Variants in KIAA1671 observed in about 807,000 individuals in gnomAD.
The protein encoded by KIAA1671 is KIAA1671.
A neutral mutation model predicts 131.2 loss-of-function variants in KIAA1671; 52 were observed. That is an observed-to-expected ratio of 0.40 (90% CI 0.32 to 0.50). The LOEUF (loss-of-function observed/expected upper bound fraction) is 0.50, where lower values mean the gene tolerates loss of function less well. Among genes scored for constraint, KIAA1671 ranks in the 20% least tolerant of loss-of-function variants. KIAA1671 has a pLI of 0.73. For synonymous variants in KIAA1671, 1,003 were observed against 961.6 expected, an observed-to-expected ratio of 1.04 and a Z score of -0.80; for missense variants, 2,360 against 2,364.2, an observed-to-expected ratio of 1.00 and a Z score of 0.04.
intron 6 of KIAA1671, among the ~76,000 whole-genome samples, chr22:25,150,191 T>A (rs943738255): frequency 9.2e-5 from 14 of 152,110 alleles, no homozygotes; most frequent in Admixed American, 7.2e-4. Flanking sequence ...GATCCCGTGG[T>A]TTGTGAGGCA....
intron 6 of KIAA1671, among the ~76,000 whole-genome samples, chr22:25,098,639 G>T (rs1001591608): frequency 6.7e-6 from 1 of 150,312 alleles, no homozygotes; most frequent in Non-Finnish European, 1.5e-5. Context: ...GGCGGGGGGG[G>T]GTTTGCTCTG....
intron 1 of KIAA1671, among the ~76,000 whole-genome samples, chr22:24,983,209 A>G (rs758412733): frequency 6.6e-6 from 1 of 152,154 alleles, no homozygotes; most frequent in Non-Finnish European, 1.5e-5. Context: ...TTAACAAATT[A>G]TCACAATCTG....
At chr22:25,101,751 G>A (rs1395039074) in intron 6 of KIAA1671, among the ~76,000 whole-genome samples, 1 of 152,150 alleles carries the variant, frequency 6.6e-6, no homozygotes, top group African/African-American at 2.4e-5. Context: ...TCAAGCCTCA[G>A]TGATTCCTTC....
At position 25,185,095 on chromosome 22, in the gene KIAA1671, C is replaced by T. The variant is rs1382237179; in HGVS notation, c.5318C>T (p.Pro1773Leu). The T allele has an allele frequency of 6.4e-7, 1 of 1,551,332 alleles. No homozygotes were observed. Among genetic ancestry groups the T allele is most frequent in the Non-Finnish European group, 8.7e-7 (1 of 1,146,812 alleles). Residue 1773 changes from proline (P) to leucine (L), a missense_variant, in exon 11 of 13, where the codon CCT becomes CTT. Pro to Leu is a moderately conservative substitution (Grantham distance 98). Transcript: ENST00000358431. ...GGGGTGCTGGGCAGTCGCGTGCTGCCTTCCAGCATGGACAAGGATGAGAGG... is the reference window on the plus strand; with the variant it reads ...GGGGTGCTGGGCAGTCGCGTGCTGCTTTCCAGCATGGACAAGGATGAGAGG... ...QPGVLGSRVL[P>L]SSMDKDERSD...
At chr22:25,123,069 A>C (rs1932019750) in intron 6 of KIAA1671, among the ~76,000 whole-genome samples, 1 of 152,120 alleles carries the variant, frequency 6.6e-6, no homozygotes, top group African/African-American at 2.4e-5. Context: ...GATAGCCTCT[A>C]AGGTGGTCCT....
chr22:25,093,778 C>CTCTCTG (rs1930211013), intron 6 of KIAA1671, among the ~76,000 whole-genome samples: 2 of 117,510 alleles, frequency 1.7e-5, no homozygotes, highest in East Asian at 2.3e-4. Flanking sequence ...GTCTCTCTCT[C>CTCTCTG]TCTCTCTCTC....
intron 1 of KIAA1671, among the ~76,000 whole-genome samples, chr22:24,987,082 A>C (rs542895461): frequency 6.6e-6 from 1 of 152,008 alleles, no homozygotes; most frequent in East Asian, 1.9e-4. Flanking sequence ...ATGTATAGAC[A>C]CACACATTTG....
intron 5 of KIAA1671, among the ~76,000 whole-genome samples, chr22:25,043,483 A>G (rs1209903338): frequency 3.9e-5 from 6 of 152,174 alleles, no homozygotes; most frequent in Non-Finnish European, 5.9e-5. Flanking sequence ...GGCCTTAATT[A>G]CCCAACTGGG....
intron 6 of KIAA1671, among the ~76,000 whole-genome samples, chr22:25,078,667 AC>A (rs1236756562): frequency 6.6e-6 from 1 of 152,222 alleles, no homozygotes; most frequent in East Asian, 1.9e-4. Flanking sequence ...AATTACTGTT[AC>A]CAGCTTCTGA....
At chr22:25,042,569 C>T (rs1253455081) in intron 5 of KIAA1671, among the ~76,000 whole-genome samples, 2 of 145,986 alleles carry the variant, frequency 1.4e-5, no homozygotes, top group Admixed American at 7.1e-5. Context: ...TGGGTTTAAG[C>T]GATTCTCCTG....
chr22:25,032,123 A>G (rs1167144073), intron 3 of KIAA1671, among the ~76,000 whole-genome samples: 1 of 152,168 alleles, frequency 6.6e-6, no homozygotes, highest in Non-Finnish European at 1.5e-5. Context: ...CTGACAGCCC[A>G]CTACCCTTCA....
At chr22:25,113,945 T>C (rs1305108678) in intron 6 of KIAA1671, among the ~76,000 whole-genome samples, 1 of 152,118 alleles carries the variant, frequency 6.6e-6, no homozygotes, top group Admixed American at 6.5e-5. Flanking sequence ...GGGTATGGGG[T>C]TGGTGACAGG....
chr22:25,008,165 T>C (rs1924847683), intron 1 of KIAA1671, among the ~76,000 whole-genome samples: 1 of 120,458 alleles, frequency 8.3e-6, no homozygotes, highest in African/African-American at 3.3e-5. Flanking sequence ...GCCACTGCAC[T>C]CCAGCCTGAG....
At chr22:25,103,840 G>T (rs1260258295) in intron 6 of KIAA1671, among the ~76,000 whole-genome samples, 1 of 152,128 alleles carries the variant, frequency 6.6e-6, no homozygotes, top group East Asian at 1.9e-4. Flanking sequence ...TCTGCAAAAT[G>T]GGGAACATCA....
chr22:24,975,872 G>A (rs1335481119), intron 1 of KIAA1671, among the ~76,000 whole-genome samples: 1 of 152,096 alleles, frequency 6.6e-6, no homozygotes, highest in Non-Finnish European at 1.5e-5. Flanking sequence ...TTGCACTTGG[G>A]GATGCTGCTG....
chr22:25,137,677 G>A (rs973404096), intron 6 of KIAA1671, among the ~76,000 whole-genome samples: 1 of 152,224 alleles, frequency 6.6e-6, no homozygotes, highest in Non-Finnish European at 1.5e-5. Flanking sequence ...TTCTATAAGT[G>A]TGTTTTTCAC....
At chr22:24,961,867 T>C (rs1288900317) in intron 1 of KIAA1671, among the ~76,000 whole-genome samples, 1 of 152,216 alleles carries the variant, frequency 6.6e-6, no homozygotes, top group Non-Finnish European at 1.5e-5. Context: ...GTAAGAATCA[T>C]GGCTCATGAT....
chr22:24,997,675 C>A (rs750279824), intron 1 of KIAA1671, among the ~76,000 whole-genome samples: 4 of 152,060 alleles, frequency 2.6e-5, no homozygotes, highest in Non-Finnish European at 5.9e-5. Context: ...GTGTGGACTT[C>A]ATTTTGTGAG....
chr22:25,049,373 T>C lies in KIAA1671; in HGVS notation c.4530+9T>C, dbSNP rs1927411247. 6.5e-7 allele frequency: 1 copy of C among 1,548,092 alleles called. No individual in the cohort carries two copies. The highest frequency in any genetic ancestry group is 8.7e-7 in the Non-Finnish European group (1 of 1,144,064). On this transcript the variant is annotated intron_variant, in intron 6 of 12. Transcript: ENST00000358431. Reference sequence around the variant, plus strand: ...GGAGTGGGCCCTTTGTGGTGAGTGATGCAACATGGCTGGAGAGGATTGCAC... The same window carrying C: ...GGAGTGGGCCCTTTGTGGTGAGTGACGCAACATGGCTGGAGAGGATTGCAC...
Sources: allele counts gnomAD v4.1 joint callset (sites outside exome capture counted in the v4.1 genomes callset), GRCh38; gene constraint gnomAD v4.1.1; transcripts MANE v1.5; gene names NCBI Gene and HGNC (gene_info 2026-07-23, HGNC 2026-07-21).